The following MAST4 variants were observed in gnomAD, a reference collection of about 807,000 sequenced individuals.
MAST4 encodes microtubule associated serine/threonine kinase family member 4, also known as microtubule-associated serine/threonine-protein kinase 4.
In MAST4, 89 loss-of-function variants were observed where a neutral mutation model predicts 162.7. That is an observed-to-expected ratio of 0.55 (90% CI 0.46 to 0.65). The LOEUF (loss-of-function observed/expected upper bound fraction) is 0.65. Ranked by LOEUF, MAST4 falls within the 30% of genes least tolerant of loss-of-function variation. The pLI is 0.00. For synonymous variants in MAST4, 1,479 were observed against 1,361.1 expected, an observed-to-expected ratio of 1.09 and a Z score of -1.91; for missense variants, 3,153 against 3,374.0, an observed-to-expected ratio of 0.93 and a Z score of 1.62.
chr5:66,749,341 G>A (rs142655265), intron 1 of MAST4, among the ~76,000 whole-genome samples: 11 of 152,236 alleles, frequency 7.2e-5, no homozygotes, highest in Non-Finnish European at 1.0e-4. Context: ...GTACTGCTCC[G>A]TTCATGCCAA....
chr5:67,046,651 G>T (rs1315989549), intron 4 of MAST4, among the ~76,000 whole-genome samples: 2 of 152,190 alleles, frequency 1.3e-5, no homozygotes, highest in East Asian at 1.9e-4. Flanking sequence ...TGAAGACAGA[G>T]AATTGGGCCA....
chr5:66,952,583 G>C (rs1204487064), intron 4 of MAST4, among the ~76,000 whole-genome samples: 2 of 151,524 alleles, frequency 1.3e-5, no homozygotes, highest in Non-Finnish European at 2.9e-5. Flanking sequence ...TACAATCCTT[G>C]AGACCCAAAC....
chr5:66,788,589 A>G, intron 2 of MAST4, 81 bp from the exon 3 acceptor site: 2 of 738,448 alleles, frequency 2.7e-6, no homozygotes, highest in Non-Finnish European at 2.3e-6. Flanking sequence ...CCAGGAAGAG[A>G]CACCCCACCC....
chr5:66,748,991 T>C (rs73765331), intron 1 of MAST4, among the ~76,000 whole-genome samples: 5,994 of 152,098 alleles, frequency 0.039, 184 homozygotes, highest in South Asian at 0.12. Context: ...CTGCAGAGAA[T>C]AATAAATGTT....
intron 1 of MAST4, among the ~76,000 whole-genome samples, chr5:66,676,829 G>A (rs966393596): frequency 6.6e-6 from 1 of 152,148 alleles, no homozygotes; most frequent in Non-Finnish European, 1.5e-5. Flanking sequence ...AATTGCTATG[G>A]GAGTTTAACT....
In MAST4 at chr5:66,998,097, G is replaced by A. The variant is rs544380743; in HGVS notation, c.675-56307G>A. On this transcript the variant is annotated intron_variant, in intron 4 of 28. Transcript: ENST00000403625. ...CTGGAAAAAATATTCAAGAAAAGAA[G>A]AACGGATAAATTAACCTTAATCTTA... Among the ~76,000 whole-genome samples, 70 of 152,298 alleles carry A rather than the reference G, an allele frequency of 4.6e-4. No homozygotes were observed. In the South Asian group the frequency reaches 0.014, roughly 31 times the overall value.
intron 1 of MAST4, among the ~76,000 whole-genome samples, chr5:66,718,243 G>A (rs2149533972): frequency 6.7e-6 from 1 of 150,026 alleles, no homozygotes; most frequent in South Asian, 2.1e-4. Flanking sequence ...TCTATTTGAA[G>A]GTTTTTTTTG....
At chr5:66,907,158 C>CGAGAGAGAGAGAGAGAGAGAGA (rs34963439) in intron 4 of MAST4, among the ~76,000 whole-genome samples, 2 of 104,356 alleles carry the variant, frequency 1.9e-5, no homozygotes, top group African/African-American at 7.6e-5. Context: ...CTCAGCAAAG[C>CGAGAGAGAGAGAGAGAGAGAGA]GAGAGAGAGA....
At chr5:66,837,153 A>G (rs1007679618) in intron 3 of MAST4, among the ~76,000 whole-genome samples, 6 of 152,058 alleles carry the variant, frequency 3.9e-5, no homozygotes, top group African/African-American at 1.2e-4. Flanking sequence ...TGGCTAGGCT[A>G]TTTAATTCCT....
intron 1 of MAST4, among the ~76,000 whole-genome samples, chr5:66,648,050 G>A (rs1435757404): frequency 1.8e-5 from 1 of 56,266 alleles, no homozygotes; most frequent in African/African-American, 7.1e-5. Flanking sequence ...GTGTGTGTGT[G>A]TGTGTGTGTG....
At chr5:66,693,192 G>C (rs4700151) in intron 1 of MAST4, among the ~76,000 whole-genome samples, 116,036 of 152,048 alleles carry the variant, frequency 0.76, 45,483 homozygotes, top group African/African-American at 0.93. Flanking sequence ...TCTTGTCATG[G>C]TTTGCCTTGC....
chr5:66,905,619 G>C (rs778995268), intron 4 of MAST4, among the ~76,000 whole-genome samples: 1 of 152,130 alleles, frequency 6.6e-6, no homozygotes, highest in Non-Finnish European at 1.5e-5. Context: ...GGTCCTGAGA[G>C]GTCCTCAGAA....
chr5:67,149,690 A>C, intron 24 of MAST4, 101 bp downstream of exon 24: 1 of 1,168,374 alleles, frequency 8.6e-7, no homozygotes, highest in South Asian at 1.3e-5. Flanking sequence ...GATTGCTTGA[A>C]GTAATAACGG....
intron 4 of MAST4, among the ~76,000 whole-genome samples, chr5:66,993,965 C>T (rs901603088): frequency 7.4e-6 from 1 of 135,276 alleles, no homozygotes; most frequent in Non-Finnish European, 1.5e-5. Flanking sequence ...ACAAGCACTC[C>T]AGATGATTCA....
At chr5:66,919,660 G>GAAAAA (rs56802433) in intron 4 of MAST4, among the ~76,000 whole-genome samples, 4 of 96,936 alleles carry the variant, frequency 4.1e-5, no homozygotes, top group South Asian at 3.2e-4. Flanking sequence ...CTCCGTCACA[G>GAAAAA]AAAAAAAAAA....
At chr5:66,842,990 A>G (rs1034378014) in intron 3 of MAST4, among the ~76,000 whole-genome samples, 1 of 152,186 alleles carries the variant, frequency 6.6e-6, no homozygotes, top group Non-Finnish European at 1.5e-5. Flanking sequence ...ACCAATCAAA[A>G]TAATTTGAAA....
At position 66,983,616 on chromosome 5, in the gene MAST4, A is replaced by C. The variant is rs561617954; in HGVS notation, c.675-70788A>C. On this transcript the variant is annotated intron_variant, in intron 4 of 28. Coordinates refer to ENST00000403625, the MANE Select transcript of MAST4 (RefSeq NM_001164664.2). ...GTTTGAGGATCATTAAGTACCAGGCACAGGGGAAATGATTAGTAAATAGTT... is the reference window on the plus strand; with the variant it reads ...GTTTGAGGATCATTAAGTACCAGGCCCAGGGGAAATGATTAGTAAATAGTT... 2.5e-4 allele frequency among the ~76,000 whole-genome samples: 38 copies of C among 152,262 alleles called. No homozygotes were observed. In the South Asian group the frequency reaches 7.3e-3, roughly 29 times the overall value.
intron 17 of MAST4, among the ~76,000 whole-genome samples, 166 bp downstream of exon 17, chr5:67,133,812 G>T (rs1394447027): frequency 6.6e-6 from 1 of 152,034 alleles, no homozygotes; most frequent in Non-Finnish European, 1.5e-5. Flanking sequence ...TTTTCTCCCT[G>T]GGCCTCTTTG....
intron 4 of MAST4, among the ~76,000 whole-genome samples, chr5:67,014,352 C>G (rs1268158248): frequency 6.6e-6 from 1 of 152,202 alleles, no homozygotes; most frequent in African/African-American, 2.4e-5. Flanking sequence ...GATTTCTCAT[C>G]TTTGATGTCA....
Sources: allele counts gnomAD v4.1 joint callset (sites outside exome capture counted in the v4.1 genomes callset), GRCh38; gene constraint gnomAD v4.1.1; transcripts MANE v1.5; gene names NCBI Gene and HGNC (gene_info 2026-07-23, HGNC 2026-07-21).